Variants in ZBTB20 observed in about 807,000 individuals in gnomAD.
The protein encoded by ZBTB20 is zinc finger and BTB domain containing 20.
Under a neutral mutation model 56.9 loss-of-function variants are expected in ZBTB20, and 9 were observed. The observed-to-expected ratio is 0.16, with a 90% CI of 0.10 to 0.28. The LOEUF (loss-of-function observed/expected upper bound fraction) is 0.28, where lower values mean the gene tolerates loss of function less well. ZBTB20 is among the 10% of genes least tolerant of loss of function. The pLI is 1.00. For missense variants in ZBTB20, 655 were observed against 1,003.0 expected, an observed-to-expected ratio of 0.65 and a Z score of 4.69; for synonymous variants, 417 against 420.7, an observed-to-expected ratio of 0.99 and a Z score of 0.11.
chr3:114,670,642 GA>G (rs1362477912), intron 6 of ZBTB20, among the ~76,000 whole-genome samples: 4 of 152,210 alleles, frequency 2.6e-5, no homozygotes, highest in Non-Finnish European at 1.5e-5. Context: ...TAGAAAGCAG[GA>G]ATGTTCTGGT....
chr3:114,384,118 CTCTCTCTCTCAT>C (rs1283801578), intron 8 of ZBTB20, among the ~76,000 whole-genome samples: 1 of 149,848 alleles, frequency 6.7e-6, no homozygotes, highest in African/African-American at 2.5e-5. Flanking sequence ...CTCTCTCTCT[CTCTCTCTCTCAT>C]TCTCTCTCTC....
chr3:114,537,930 A>T (rs1259012357), intron 6 of ZBTB20, among the ~76,000 whole-genome samples: 1 of 152,162 alleles, frequency 6.6e-6, no homozygotes, highest in Admixed American at 6.5e-5. Context: ...AGAGTTGAAC[A>T]ATAAGAACAC....
intron 3 of ZBTB20, among the ~76,000 whole-genome samples, chr3:114,914,260 A>G (rs1316185241): frequency 6.6e-6 from 1 of 151,636 alleles, no homozygotes; most frequent in Non-Finnish European, 1.5e-5. Context: ...TCTTGCAACA[A>G]TCTTTTATAG....
chr3:114,847,549 A>G (rs1361911512), intron 4 of ZBTB20, among the ~76,000 whole-genome samples: 1 of 152,046 alleles, frequency 6.6e-6, no homozygotes, highest in Non-Finnish European at 1.5e-5. Context: ...GCAATATAAA[A>G]CTCAGATTAT....
At chr3:114,578,907 C>T (rs1246965846) in intron 6 of ZBTB20, among the ~76,000 whole-genome samples, 2 of 151,676 alleles carry the variant, frequency 1.3e-5, no homozygotes, top group East Asian at 1.9e-4. Context: ...TGATTATAGA[C>T]AACAGTGATC....
intron 6 of ZBTB20, among the ~76,000 whole-genome samples, chr3:114,529,843 C>T (rs935812974): frequency 1.3e-5 from 2 of 152,194 alleles, no homozygotes; most frequent in African/African-American, 4.8e-5. Context: ...TTTCTAAATG[C>T]TGTATGGCTT....
At chr3:114,477,620 C>G (rs1469053654) in intron 7 of ZBTB20, among the ~76,000 whole-genome samples, 2 of 151,316 alleles carry the variant, frequency 1.3e-5, no homozygotes, top group African/African-American at 4.9e-5. Context: ...CTCAGCCTCC[C>G]GAGTATCTGG....
chr3:114,608,993 A>G (rs1438950189), intron 6 of ZBTB20, among the ~76,000 whole-genome samples: 1 of 152,208 alleles, frequency 6.6e-6, no homozygotes, highest in Non-Finnish European at 1.5e-5. Flanking sequence ...CTGCCTAGTG[A>G]AACATCTGTC....
At chr3:114,641,311 G>A (rs1039671773) in intron 6 of ZBTB20, among the ~76,000 whole-genome samples, 1 of 151,708 alleles carries the variant, frequency 6.6e-6, no homozygotes, top group Non-Finnish European at 1.5e-5. Context: ...GGACATTGAT[G>A]GCCTGCAAAG....
chr3:114,989,086 G>A lies in ZBTB20; in HGVS notation c.-506-14670C>T, dbSNP rs866904141. On this transcript the variant is annotated intron_variant, in intron 2 of 11. Transcript: ENST00000675478. The stretch of plus-strand genomic sequence containing the variant: ...CTCTGATGGTAGTTTCTTTTGCTGT[G>A]CAGAAGCTCTTTAGTTTAATTAGAT... 1.1e-4 allele frequency among the ~76,000 whole-genome samples: 16 copies of A among 152,210 alleles called. No individual in the cohort carries two copies. In the South Asian group the frequency reaches 3.3e-3, roughly 32 times the overall value.
At chr3:114,499,030 T>A (rs1296585920) in intron 7 of ZBTB20, among the ~76,000 whole-genome samples, 1 of 152,150 alleles carries the variant, frequency 6.6e-6, no homozygotes, top group Non-Finnish European at 1.5e-5. Context: ...ACAAAAATGA[T>A]TTGCCAGTCA....
chr3:114,596,415 A>G (rs2107599402), intron 6 of ZBTB20, among the ~76,000 whole-genome samples: 1 of 152,302 alleles, frequency 6.6e-6, no homozygotes, highest in South Asian at 2.1e-4. Flanking sequence ...GGGAAACATG[A>G]CATCATATAA....
chr3:114,373,363 C>A (rs959686849), intron 10 of ZBTB20, among the ~76,000 whole-genome samples: 2 of 152,136 alleles, frequency 1.3e-5, no homozygotes, highest in African/African-American at 4.8e-5. Context: ...TGAATTATAA[C>A]AATAGACAAT....
intron 6 of ZBTB20, chr3:114,684,514 G>C (rs925483442): frequency 2.0e-5 from 3 of 152,258 alleles, no homozygotes; most frequent in African/African-American, 7.2e-5. Flanking sequence ...TATACAGAAA[G>C]TTATTAAGAC....
intron 6 of ZBTB20, among the ~76,000 whole-genome samples, chr3:114,663,650 C>T (rs1319369500): frequency 5.9e-5 from 9 of 151,306 alleles, no homozygotes; most frequent in Non-Finnish European, 1.2e-4. Flanking sequence ...ACCCATCTCA[C>T]GTGCAGAGAC....
At chr3:114,609,662 T>C (rs1018625717) in intron 6 of ZBTB20, among the ~76,000 whole-genome samples, 1 of 152,184 alleles carries the variant, frequency 6.6e-6, no homozygotes, top group Non-Finnish European at 1.5e-5. Flanking sequence ...ACTATTTCCC[T>C]TAGACGCTTG....
intron 3 of ZBTB20, among the ~76,000 whole-genome samples, chr3:114,963,581 C>T (rs560560714): frequency 6.6e-6 from 1 of 152,190 alleles, no homozygotes; most frequent in South Asian, 2.1e-4. Context: ...AATTCAAGAT[C>T]CTAGGTTAAG....
chr3:114,754,923 C>A (rs748367240), intron 5 of ZBTB20, among the ~76,000 whole-genome samples: 6 of 152,092 alleles, frequency 3.9e-5, no homozygotes, highest in Admixed American at 6.6e-5. Flanking sequence ...AGAAATCCTA[C>A]TATTTTACAC....
chr3:114,408,838 A>G (rs888228584), intron 7 of ZBTB20, among the ~76,000 whole-genome samples: 1 of 152,104 alleles, frequency 6.6e-6, no homozygotes, highest in Non-Finnish European at 1.5e-5. Flanking sequence ...AGAGTTAAAA[A>G]TCCCCGGGAG....
Sources: gnomAD v4.1 joint callset for allele counts (sites outside exome capture counted in the v4.1 genomes callset) on GRCh38, gnomAD v4.1.1 for gene constraint, MANE v1.5 for transcripts, NCBI Gene and HGNC (gene_info 2026-07-23, HGNC 2026-07-21) for gene names.